The following GNPDA1 variants were observed in gnomAD, a reference collection of about 807,000 sequenced individuals.
GNPDA1 encodes glucosamine-6-phosphate deaminase 1, also known as GNPDA 1.
Under a neutral mutation model 28.5 loss-of-function variants are expected in GNPDA1, and 24 were observed. The ratio of observed to expected loss-of-function variants is 0.84; its 90% CI spans 0.61 to 1.19. The LOEUF is 1.19. Ranked by LOEUF, GNPDA1 falls within the 50% of genes most tolerant of loss-of-function variation. The pLI, the probability that GNPDA1 is intolerant of heterozygous loss-of-function variation, is 0.00. For missense variants in GNPDA1, 264 were observed against 367.3 expected (o/e 0.72, Z 2.30); for synonymous variants, 147 against 139.3 (o/e 1.06, Z -0.39).
intron 2 of GNPDA1, among the ~76,000 whole-genome samples, chr5:142,010,737 C>T (rs1317691200): frequency 6.7e-6 from 1 of 150,068 alleles, no homozygotes; most frequent in African/African-American, 2.5e-5. Context: ...TAATCTCAAA[C>T]TCCTGGGCTC....
rs749745591 is a variant in GNPDA1, at chr5:142,005,120, T to C, written c.410-4A>G. 3.8e-6 allele frequency: 6 copies of C among 1,583,940 alleles called. No individual in the cohort carries two copies. The highest frequency in any genetic ancestry group is 1.3e-5 in the African/African-American group (1 of 74,428). On this transcript the variant is annotated splice_region_variant and splice_polypyrimidine_tract_variant and intron_variant, in intron 4 of 6. Transcript: ENST00000311337. The stretch of plus-strand genomic sequence containing the variant: ...ATGTGTCCATCAGGGCCGATGCCTA[T>C]AGGGAGAGAGCCCGTGCAGCCCTGT...
rs571881823 is a variant in GNPDA1, at chr5:142,004,184, G to A, written c.594+748C>T. Among the ~76,000 whole-genome samples the A allele has an allele frequency of 6.0e-4, 91 of 152,184 alleles. 1 individual carries two copies. The highest frequency in any genetic ancestry group is 3.4e-3 in the Middle Eastern group (1 of 294). ...TCCAAGCTGCAGAGCTAAAAACAGC[G>A]AGTAAACACCCCCACCCCACGTACT... On this transcript the variant is annotated intron_variant, in intron 5 of 6. Transcript: ENST00000311337.
intron 6 of GNPDA1, among the ~76,000 whole-genome samples, chr5:142,002,689 G>C (rs895197631): frequency 4.6e-5 from 7 of 152,126 alleles, no homozygotes; most frequent in African/African-American, 1.7e-4. Flanking sequence ...GGGAGGTGGA[G>C]GTTGCAGTGA....
rs779944285 is a variant in GNPDA1 at position 142,006,280 on chromosome 5, G to A, written c.273C>T (p.Asn91=). 1.2e-6 allele frequency: 2 copies of A among 1,614,032 alleles called. No homozygotes were observed. Among genetic ancestry groups the A allele is most frequent in the East Asian group, 2.2e-5 (1 of 44,892 alleles). Residue 91 remains asparagine (N), a synonymous_variant, in exon 4 of 7, where the codon AAC becomes AAT. Coordinates refer to ENST00000311337, the MANE Select transcript of GNPDA1 (RefSeq NM_005471.5). ...HPESYHSFMW[N]NFFKHIDIHP... ...GGATGTCAATGTGCTTGAAGAAGTT[G>A]TTCCACATGAAGGAGTGGTAACTCT...
At position 142,001,951 on chromosome 5, in the gene GNPDA1, C is replaced by T; in HGVS notation, c.*78G>A. 1 of 758,342 alleles carries T rather than the reference C, an allele frequency of 1.3e-6. No homozygotes were observed. 47.0% of individuals were successfully genotyped at this position (758,342 alleles called of 1,614,324 possible). ...GTAACCATACTAGATTAAAGAAATA[C>T]AATTCTTTCTTCTAAAGACAATTTC... On this transcript the variant is annotated 3_prime_UTR_variant, in exon 7 of 7. Transcript: ENST00000311337.
chr5:142,007,907 G>A lies in GNPDA1; in HGVS notation c.125-7C>T, dbSNP rs768723620. On this transcript the variant is annotated splice_polypyrimidine_tract_variant and splice_region_variant and intron_variant, in intron 2 of 6. Coordinates refer to ENST00000311337, the MANE Select transcript of GNPDA1 (RefSeq NM_005471.5). ...CAGCCAAGTGGGGTACTCCCTGCAA[G>A]AGTGGCCACACCCATGAACACCCCT... is the stretch of plus-strand genomic sequence containing the variant. 61 of 1,546,358 alleles carry A rather than the reference G, an allele frequency of 3.9e-5. No homozygotes were observed. The South Asian group carries it at 6.6e-4, about 17-fold the overall frequency.
At position 142,002,958 on chromosome 5, in the gene GNPDA1, AG is replaced by A. The variant is rs1231926889; in HGVS notation, c.769+129del. ...GAGAAATGACTGTGTAGTGTGATGC[AG>A]TTGGGTTTGATATTTCTTAAGATTA... On this transcript the variant is annotated intron_variant, in intron 6 of 6. Transcript: ENST00000311337. 1.3e-5 allele frequency: 9 copies of A among 674,160 alleles called. No homozygotes were observed. In the African/African-American group the frequency reaches 1.6e-4, roughly 12 times the overall value. 41.8% of individuals were successfully genotyped at this position (674,160 alleles called of 1,614,324 possible).
intron 2 of GNPDA1, among the ~76,000 whole-genome samples, chr5:142,009,333 T>A (rs1755883401): frequency 6.6e-6 from 1 of 152,122 alleles, no homozygotes; most frequent in Admixed American, 6.5e-5. Context: ...GGCCCCTGGC[T>A]ATGAGACCCT....
chr5:142,011,727 C>G, intron 2 of GNPDA1, 185 bp downstream of exon 2: 1 of 554,240 alleles, frequency 1.8e-6, no homozygotes, highest in Non-Finnish European at 3.2e-6. Flanking sequence ...GGACAGGCAG[C>G]GACTAAACCA....
rs2232194 is a variant in GNPDA1, at chr5:142,011,876, C to A, written c.124+36G>T. The A allele has an allele frequency of 6.2e-7, 1 of 1,612,944 alleles. No homozygotes were observed. The highest frequency in any genetic ancestry group is 2.2e-5 in the East Asian group (1 of 44,834). On this transcript the variant is annotated intron_variant, in intron 2 of 6. Transcript: ENST00000311337. Reference sequence around the variant, plus strand: ...GGCCCCTGTTGCCTACTCTCTCCACCCTTATCCACGGCACCCTCTCCATCC... The same window carrying A: ...GGCCCCTGTTGCCTACTCTCTCCACACTTATCCACGGCACCCTCTCCATCC...
chr5:142,003,856 A>G lies in GNPDA1; in HGVS notation c.595-594T>C, dbSNP rs1755737161. Among the ~76,000 whole-genome samples the G allele has an allele frequency of 6.6e-6, 1 of 152,218 alleles. No homozygotes were observed. The highest frequency in any genetic ancestry group is 2.4e-5 in the African/African-American group (1 of 41,460). The stretch of plus-strand genomic sequence containing the variant: ...AAGGCACAGTCTCCACTTAACAGTT[A>G]AAATATCGAGAATGTAAGTGATCTT... On this transcript the variant is annotated intron_variant, in intron 5 of 6. Coordinates refer to ENST00000311337, the MANE Select transcript of GNPDA1 (RefSeq NM_005471.5). The surrounding 1 kb of genome is among the most constrained non-coding windows in gnomAD (Gnocchi z 4.0).
At chr5:142,002,988 T>C (rs1442362927) in intron 6 of GNPDA1, 100 bp downstream of exon 6, 2 of 897,800 alleles carry the variant, frequency 2.2e-6, no homozygotes, top group African/African-American at 3.3e-5. Context: ...AAGATTACAG[T>C]TGTCAATTAA....
At chr5:142,006,018 C>T (rs946389058) in intron 4 of GNPDA1, 126 bp downstream of exon 4, 4 of 738,240 alleles carry the variant, frequency 5.4e-6, no homozygotes, top group Non-Finnish European at 9.1e-6. Context: ...GGGCCCATTT[C>T]TCCCGCCTCT....
At chr5:142,011,619 T>C (rs1755957209) in intron 2 of GNPDA1, among the ~76,000 whole-genome samples, 1 of 152,214 alleles carries the variant, frequency 6.6e-6, no homozygotes, top group South Asian at 2.1e-4. Flanking sequence ...GACTTAATTC[T>C]GTTAAGAAAC....
At position 142,012,054 on chromosome 5, in the gene GNPDA1, A is replaced by G; in HGVS notation, c.-6-13T>C. 6.3e-7 allele frequency: 1 copy of G among 1,578,224 alleles called. No individual in the cohort carries two copies. Among genetic ancestry groups the G allele is most frequent in the Non-Finnish European group, 8.7e-7 (1 of 1,151,644 alleles). On this transcript the variant is annotated splice_polypyrimidine_tract_variant and intron_variant, in intron 1 of 6. Transcript: ENST00000311337. ...GCTTCATCTTGTCCTGCAGTGGGGG[A>G]GAGGGGATGACAGAAAGGAATCAAT...
intron 2 of GNPDA1, among the ~76,000 whole-genome samples, chr5:142,008,312 A>G (rs62384563): frequency 0.19 from 28,669 of 151,696 alleles, 2,904 homozygotes; most frequent in African/African-American, 0.24. Flanking sequence ...ACTCACTAGG[A>G]GTAGAACACA....
chr5:142,001,880 T>A lies in GNPDA1; in HGVS notation c.*149A>T. On this transcript the variant is annotated 3_prime_UTR_variant, in exon 7 of 7. Coordinates refer to ENST00000311337, the MANE Select transcript of GNPDA1 (RefSeq NM_005471.5). ...CTATAGCTAAACTCCGTGACTAGGC[T>A]CCCAGCCTCATGGCCAAGAACAATA... The A allele has an allele frequency of 2.2e-6, 1 of 449,320 alleles. No individual in the cohort carries two copies. 27.8% of individuals were successfully genotyped at this position (449,320 alleles called of 1,614,324 possible).
intron 4 of GNPDA1, 108 bp from the exon 5 acceptor site, chr5:142,005,224 C>G (rs1755773534): frequency 3.6e-6 from 3 of 827,924 alleles, no homozygotes; most frequent in Non-Finnish European, 5.7e-6. Flanking sequence ...TCATTGAAAG[C>G]TGTGTCACCT....
intron 2 of GNPDA1, among the ~76,000 whole-genome samples, chr5:142,011,575 T>A (rs1450321883): frequency 6.6e-6 from 1 of 152,244 alleles, no homozygotes; most frequent in East Asian, 1.9e-4. Flanking sequence ...GAGAAATTAA[T>A]TCATTACATA....
Sources: allele counts gnomAD v4.1 joint callset (sites outside exome capture counted in the v4.1 genomes callset), GRCh38; gene constraint gnomAD v4.1.1; non-coding constraint Gnocchi (gnomAD v3.1); transcripts MANE v1.5; gene names NCBI Gene and HGNC (gene_info 2026-07-23, HGNC 2026-07-21).